Variants in ZNF407 observed in about 807,000 individuals in gnomAD.
ZNF407 encodes the protein zinc finger protein 407.
Under a neutral mutation model 131.2 loss-of-function variants are expected in ZNF407, and 17 were observed. The observed-to-expected ratio is 0.13, with a 90% CI of 0.09 to 0.19. The LOEUF (loss-of-function observed/expected upper bound fraction) is 0.19, where lower values mean the gene tolerates loss of function less well. Ranked by LOEUF, ZNF407 falls within the 10% of genes least tolerant of loss-of-function variation. ZNF407 has a pLI of 1.00. For missense variants in ZNF407, 2,681 were observed against 2,830.6 expected (o/e 0.95, Z 1.20); for synonymous variants, 1,156 against 1,062.0 (o/e 1.09, Z -1.72).
intron 8 of ZNF407, among the ~76,000 whole-genome samples, chr18:74,972,018 A>G (rs1053243032): frequency 2.0e-5 from 3 of 152,314 alleles, no homozygotes; most frequent in Admixed American, 2.0e-4. Context: ...TGATAAACCC[A>G]TCAGATCTTG....
At chr18:74,960,448 G>A (rs1972327334) in intron 8 of ZNF407, among the ~76,000 whole-genome samples, 1 of 148,534 alleles carries the variant, frequency 6.7e-6, no homozygotes, top group Non-Finnish European at 1.5e-5. Flanking sequence ...AGTGCTTGGT[G>A]GAGGGATAGG....
chr18:74,821,908 T>G (rs1345287124), intron 4 of ZNF407, among the ~76,000 whole-genome samples: 1 of 152,236 alleles, frequency 6.6e-6, no homozygotes, highest in Non-Finnish European at 1.5e-5. Flanking sequence ...GCATTCCTAT[T>G]TCTTCACATC....
chr18:74,939,725 T>C (rs545335805), intron 8 of ZNF407, among the ~76,000 whole-genome samples: 2 of 152,348 alleles, frequency 1.3e-5, no homozygotes, highest in South Asian at 4.1e-4. Context: ...ATCTACAGTG[T>C]GTTGCTTTTT....
Position 74,631,184 on chromosome 18 carries a change from A to T in ZNF407, c.165A>T (p.Glu55Asp). The change falls in exon 2 of 9, where the codon GAA becomes GAT. Residue 55 changes from glutamate (E) to aspartate (D), a missense_variant. Transcript: ENST00000299687. ...CTATGGGCAAAAGAGGTTTTTCAGA[A>T]TCATCGAACTCTGATAGTGTTGTTA... ...ENSMGKRGFS[E>D]SSNSDSVVIG... The T allele has an allele frequency of 6.2e-7, 1 of 1,614,038 alleles. No individual in the cohort carries two copies. The highest frequency in any genetic ancestry group is 8.5e-7 in the Non-Finnish European group (1 of 1,179,894).
intron 7 of ZNF407, among the ~76,000 whole-genome samples, chr18:74,897,288 A>C (rs1971465355): frequency 6.6e-6 from 1 of 152,240 alleles, no homozygotes; most frequent in South Asian, 2.1e-4. Context: ...TAAAAGAAAA[A>C]GAATCAGAGA....
chr18:74,957,309 T>TGAGTCAGTCCCGTCGCCC, intron 8 of ZNF407, among the ~76,000 whole-genome samples: 1 of 152,250 alleles, frequency 6.6e-6, no homozygotes, highest in Non-Finnish European at 1.5e-5. Flanking sequence ...CAGCCAACCG[T>TGAGTCAGTCCCGTCGCCC]GAGTCAGTCC....
intron 8 of ZNF407, among the ~76,000 whole-genome samples, chr18:74,942,133 A>G (rs917136864): frequency 6.6e-6 from 1 of 152,160 alleles, no homozygotes. Context: ...TTTCTAAGGT[A>G]TTATTAATAT....
intron 8 of ZNF407, among the ~76,000 whole-genome samples, chr18:75,019,775 T>TA (rs1183935188): frequency 6.6e-6 from 1 of 152,076 alleles, no homozygotes; most frequent in Non-Finnish European, 1.5e-5. Flanking sequence ...TCAGGAAACT[T>TA]ACAATCATGG....
At chr18:74,648,955 G>A (rs974929508) in intron 3 of ZNF407, among the ~76,000 whole-genome samples, 2 of 152,158 alleles carry the variant, frequency 1.3e-5, no homozygotes, top group Non-Finnish European at 2.9e-5. Context: ...TGTTTCTGGA[G>A]TGTTCTCCCT....
intron 8 of ZNF407, among the ~76,000 whole-genome samples, chr18:74,924,488 A>T (rs909455080): frequency 2.6e-5 from 4 of 152,202 alleles, no homozygotes; most frequent in Non-Finnish European, 4.4e-5. Flanking sequence ...TCTTCTATTT[A>T]GTAAAATCTA....
At chr18:74,907,210 C>A (rs1484241973) in intron 7 of ZNF407, among the ~76,000 whole-genome samples, 3 of 152,124 alleles carry the variant, frequency 2.0e-5, no homozygotes, top group Admixed American at 1.3e-4. Flanking sequence ...AGATAGTACA[C>A]ACACCAAGCT....
At chr18:75,028,924 CTTTTAGATCAGACACTTTA>C (rs1257822204) in intron 8 of ZNF407, among the ~76,000 whole-genome samples, 1 of 152,182 alleles carries the variant, frequency 6.6e-6, no homozygotes, top group Non-Finnish European at 1.5e-5. Context: ...TTAGACTTCA[CTTTTAGATCAGACACTTTA>C]TTTTGTTAGA....
intron 8 of ZNF407, among the ~76,000 whole-genome samples, chr18:74,941,076 C>A (rs1340230997): frequency 2.1e-5 from 3 of 140,216 alleles, no homozygotes; most frequent in Non-Finnish European, 3.0e-5. Flanking sequence ...GGAACCGGGC[C>A]CGTCCTTGCC....
chr18:74,622,945 T>A (rs764876972), intron 1 of ZNF407, among the ~76,000 whole-genome samples: 1 of 151,598 alleles, frequency 6.6e-6, no homozygotes, highest in Non-Finnish European at 1.5e-5. Flanking sequence ...TGTGTATATA[T>A]CTGTGTGTCA....
At chr18:74,767,758 A>G (rs896352969) in intron 3 of ZNF407, among the ~76,000 whole-genome samples, 1 of 142,058 alleles carries the variant, frequency 7.0e-6, no homozygotes, top group African/African-American at 2.7e-5. Flanking sequence ...GGTTCATGCC[A>G]TTCTCCTGCC....
At chr18:74,908,190 A>G (rs538054234) in intron 7 of ZNF407, among the ~76,000 whole-genome samples, 10 of 152,166 alleles carry the variant, frequency 6.6e-5, no homozygotes, top group Non-Finnish European at 1.5e-4. Context: ...GCATTATGCT[A>G]TATAGCAGTA....
intron 7 of ZNF407, among the ~76,000 whole-genome samples, chr18:74,904,355 A>G (rs1308230346): frequency 2.0e-5 from 3 of 152,200 alleles, no homozygotes; most frequent in Admixed American, 2.0e-4. Flanking sequence ...TGATGATATG[A>G]AACAGTTAAG....
Position 74,631,298 on chromosome 18 carries a change from A to G in ZNF407, c.279A>G (p.Arg93=). 2 of 1,614,038 alleles carry G rather than the reference A, an allele frequency of 1.2e-6. No individual in the cohort carries two copies. The highest frequency in any genetic ancestry group is 1.7e-6 in the Non-Finnish European group (2 of 1,179,888). Residue 93 remains arginine (R), a synonymous_variant, in exon 2 of 9, where the codon AGA becomes AGG. Transcript: ENST00000299687. ...PLKSGKQGIC[R]LETSESSVTE... ...AATCTGGAAAGCAAGGTATTTGTAG[A>G]TTAGAAACTTCTGAGAGCTCAGTCA...
At chr18:75,044,332 CT>C (rs200241175) in intron 8 of ZNF407, among the ~76,000 whole-genome samples, 20 of 144,572 alleles carry the variant, frequency 1.4e-4, no homozygotes, top group African/African-American at 4.9e-4. Flanking sequence ...TTTTTTCTTT[CT>C]TTTTTTTTAA....
Sources: gnomAD v4.1 joint callset for allele counts (sites outside exome capture counted in the v4.1 genomes callset) on GRCh38, gnomAD v4.1.1 for gene constraint, MANE v1.5 for transcripts, NCBI Gene and HGNC (gene_info 2026-07-23, HGNC 2026-07-21) for gene names.